The following DCC variants were observed in gnomAD, a reference collection of about 807,000 sequenced individuals.
The protein encoded by DCC is netrin receptor DCC.
DCC carries 58 observed loss-of-function variants against 172.5 expected under a neutral mutation model. The ratio of observed to expected loss-of-function variants is 0.34; its 90% CI spans 0.27 to 0.42. The LOEUF (loss-of-function observed/expected upper bound fraction) is 0.42, where lower values mean the gene tolerates loss of function less well. Ranked by LOEUF, DCC falls within the 10% of genes least tolerant of loss-of-function variation. The pLI is 1.00. For missense variants in DCC, 1,740 were observed against 1,791.0 expected (o/e 0.97, Z 0.51); for synonymous variants, 709 against 644.5 (o/e 1.10, Z -1.52).
chr18:52,916,256 A>G (rs1037451869), intron 3 of DCC, among the ~76,000 whole-genome samples: 3 of 151,500 alleles, frequency 2.0e-5, no homozygotes, highest in African/African-American at 4.9e-5. Flanking sequence ...TTGAAAGGAC[A>G]GTCAATAGAA....
intron 1 of DCC, among the ~76,000 whole-genome samples, chr18:52,581,713 G>A (rs1278869724): frequency 6.6e-6 from 1 of 152,042 alleles, no homozygotes; most frequent in African/African-American, 2.4e-5. Context: ...CCAGGAACAT[G>A]TCAGAGACAT....
intron 13 of DCC, among the ~76,000 whole-genome samples, chr18:53,311,509 T>A (rs533578822): frequency 6.6e-6 from 1 of 152,276 alleles, no homozygotes; most frequent in Non-Finnish European, 1.5e-5. Context: ...TGATCCCAGG[T>A]GAATTGTGTG....
chr18:53,291,552 G>A (rs2057004992), intron 12 of DCC, among the ~76,000 whole-genome samples: 1 of 152,092 alleles, frequency 6.6e-6, no homozygotes. Flanking sequence ...AGTGAACACT[G>A]TATTTTCTGC....
chr18:52,779,249 C>A (rs947412199), intron 2 of DCC, among the ~76,000 whole-genome samples: 2 of 152,114 alleles, frequency 1.3e-5, no homozygotes, highest in Non-Finnish European at 2.9e-5. Flanking sequence ...TGGCTTGCTG[C>A]ACCCATCATC....
intron 2 of DCC, among the ~76,000 whole-genome samples, chr18:52,826,395 C>T (rs1220119731): frequency 6.6e-6 from 1 of 152,148 alleles, no homozygotes; most frequent in Non-Finnish European, 1.5e-5. Flanking sequence ...TGCTAGATGA[C>T]TTAGTGATTA....
chr18:53,393,779 T>C (rs1908728760), intron 17 of DCC, among the ~76,000 whole-genome samples: 1 of 152,194 alleles, frequency 6.6e-6, no homozygotes, highest in African/African-American at 2.4e-5. Flanking sequence ...ACAGCAGACA[T>C]GGAATTACTG....
chr18:52,637,070 C>T (rs1052875300), intron 1 of DCC, among the ~76,000 whole-genome samples: 4 of 152,116 alleles, frequency 2.6e-5, no homozygotes, highest in African/African-American at 9.7e-5. Flanking sequence ...AGAGAGAGAG[C>T]AATCACTACA....
intron 1 of DCC, among the ~76,000 whole-genome samples, chr18:52,362,338 A>G (rs1351673419): frequency 1.3e-5 from 2 of 152,224 alleles, no homozygotes; most frequent in African/African-American, 2.4e-5. Context: ...CACAGGACTT[A>G]CTTGATAAAC....
chr18:53,258,276 C>T (rs1165572073), intron 12 of DCC, among the ~76,000 whole-genome samples: 1 of 151,840 alleles, frequency 6.6e-6, no homozygotes, highest in Admixed American at 6.6e-5. Flanking sequence ...TTTGCTCTTG[C>T]TTTTCTAGTT....
intron 16 of DCC, among the ~76,000 whole-genome samples, chr18:53,387,688 C>A (rs1327777523): frequency 6.6e-6 from 1 of 152,214 alleles, no homozygotes; most frequent in Non-Finnish European, 1.5e-5. Flanking sequence ...AAACAGGCCA[C>A]TTTGGCTGCA....
At chr18:53,131,953 A>ATTTTTTTTTTTTTTTTTTTT (rs71175556) in intron 7 of DCC, among the ~76,000 whole-genome samples, 1 of 58,278 alleles carries the variant, frequency 1.7e-5, no homozygotes, top group Non-Finnish European at 3.1e-5. Context: ...TCTCTAAGTG[A>ATTTTTTTTTTTTTTTTTTTT]TTTTTTTTTT....
chr18:52,802,155 C>T (rs543249111), intron 2 of DCC, among the ~76,000 whole-genome samples: 3 of 151,984 alleles, frequency 2.0e-5, no homozygotes, highest in African/African-American at 7.3e-5. Context: ...TGTCAAATTG[C>T]TTCTGAATCA....
intron 2 of DCC, among the ~76,000 whole-genome samples, chr18:52,823,031 C>T (rs9956101): frequency 0.11 from 16,917 of 152,162 alleles, 1,025 homozygotes; most frequent in South Asian, 0.2. Flanking sequence ...AAACATAAGA[C>T]TAAATCTTAA....
At chr18:52,457,307 T>A (rs563953571) in intron 1 of DCC, among the ~76,000 whole-genome samples, 3 of 152,288 alleles carry the variant, frequency 2.0e-5, no homozygotes, top group Non-Finnish European at 4.4e-5. Flanking sequence ...AAAATGAAGA[T>A]AATGCATTTG....
At chr18:53,045,049 A>T (rs7505556) in intron 5 of DCC, among the ~76,000 whole-genome samples, 3 of 151,610 alleles carry the variant, frequency 2.0e-5, no homozygotes, top group Non-Finnish European at 3.0e-5. Context: ...ATGAAAATAT[A>T]CCAGGGATAT....
chr18:52,403,683 G>T (rs912264873), intron 1 of DCC, among the ~76,000 whole-genome samples: 11 of 151,982 alleles, frequency 7.2e-5, no homozygotes, highest in African/African-American at 2.4e-4. Flanking sequence ...AGGGAAGGAG[G>T]AGGCAATGCC....
intron 7 of DCC, among the ~76,000 whole-genome samples, chr18:53,084,542 G>T (rs540271949): frequency 2.0e-4 from 31 of 152,296 alleles, no homozygotes; most frequent in Non-Finnish European, 4.3e-4. Context: ...CAATACCTCA[G>T]CCAGTTGCTC....
At chr18:53,242,528 T>C (rs2056311508) in intron 12 of DCC, among the ~76,000 whole-genome samples, 1 of 152,204 alleles carries the variant, frequency 6.6e-6, no homozygotes, top group Admixed American at 6.6e-5. Flanking sequence ...TACTGTAAGC[T>C]TTCTTCATGA....
chr18:53,070,036 A>G (rs565495236), intron 7 of DCC, among the ~76,000 whole-genome samples: 3 of 151,598 alleles, frequency 2.0e-5, no homozygotes, highest in Non-Finnish European at 4.4e-5. Context: ...CTGGAGTGCA[A>G]TGGCACAATC....
Sources: gnomAD v4.1 joint callset for allele counts (sites outside exome capture counted in the v4.1 genomes callset) on GRCh38, gnomAD v4.1.1 for gene constraint, MANE v1.5 for transcripts, NCBI Gene and HGNC (gene_info 2026-07-23, HGNC 2026-07-21) for gene names.